Variants in CSDE1 observed in about 807,000 individuals in gnomAD.
CSDE1 encodes the protein cold shock domain-containing protein E1.
Under a neutral mutation model 89.3 loss-of-function variants are expected in CSDE1, and 17 were observed. The observed-to-expected ratio is 0.19, with a 90% confidence interval of 0.13 to 0.29. The LOEUF is 0.29. CSDE1 is among the 10% of genes least tolerant of loss of function. The probability of loss-of-function intolerance (pLI) is 1.00; values close to 1 mark genes in which losing one functional copy is unlikely to be tolerated. For synonymous variants in CSDE1, 322 were observed against 332.8 expected, an observed-to-expected ratio of 0.97 and a Z score of 0.35; for missense variants, 672 against 984.2, an observed-to-expected ratio of 0.68 and a Z score of 4.24.
At chr1:114,721,408 G>A (rs1570891754) in intron 16 of CSDE1, among the ~76,000 whole-genome samples, 1 of 152,212 alleles carries the variant, frequency 6.6e-6, no homozygotes, top group Non-Finnish European at 1.5e-5. Context: ...CCTACAGTAT[G>A]AAGTTGCCTG....
rs1345106182 is a variant in CSDE1 at position 114,725,407 on chromosome 1, C to T, written c.1641-74G>A. On this transcript the variant is annotated intron_variant, in intron 14 of 19. Transcript: ENST00000358528. ...ACAGTAACAGGCAGTCTTTATTTTA[C>T]AGTAACAGTCATGGCATGGCATGCT... 6.3e-6 allele frequency: 7 copies of T among 1,117,644 alleles called. No individual in the cohort carries two copies. In the East Asian group the frequency reaches 1.2e-4, roughly 19 times the overall value. 69.2% of individuals were successfully genotyped at this position (1,117,644 alleles called of 1,614,324 possible).
intron 1 of CSDE1, among the ~76,000 whole-genome samples, chr1:114,752,779 T>C (rs1291863160): frequency 6.6e-6 from 1 of 152,250 alleles, no homozygotes. Context: ...TAACATCCAC[T>C]GCCTGCACCA....
At chr1:114,732,123 T>A (rs531138014) in intron 10 of CSDE1, among the ~76,000 whole-genome samples, 366 of 152,064 alleles carry the variant, frequency 2.4e-3, no homozygotes, top group Non-Finnish European at 4.2e-3. Context: ...ATTTTTTTTT[T>A]AAAAAAGCTC....
In CSDE1 at chr1:114,723,867, T is replaced by G; in HGVS notation, c.1873+16A>C. On this transcript the variant is annotated intron_variant, in intron 16 of 19. Transcript: ENST00000358528. ...TTATGGCAAATTTCAAACAGCCTGA[T>G]AGTGATGATCCTTACCCTCCTCCAC... 1.2e-6 allele frequency: 2 copies of G among 1,613,762 alleles called. No homozygotes were observed. Among genetic ancestry groups the G allele is most frequent in the Non-Finnish European group, 1.7e-6 (2 of 1,179,724 alleles).
intron 10 of CSDE1, among the ~76,000 whole-genome samples, chr1:114,731,590 A>T (rs1436333656): frequency 6.6e-6 from 1 of 152,180 alleles, no homozygotes; most frequent in Non-Finnish European, 1.5e-5. Flanking sequence ...CTAAATGCAA[A>T]TTATGTCTGA....
intron 7 of CSDE1, 53 bp from the exon 8 acceptor site, chr1:114,734,170 G>T: frequency 6.4e-7 from 1 of 1,564,334 alleles, no homozygotes; most frequent in Non-Finnish European, 8.6e-7. Context: ...ACAAATTTAT[G>T]ATTACAACTT....
In CSDE1 at chr1:114,718,220, TG is replaced by T. The variant is rs778572647; in HGVS notation, c.2350-5del. The T allele has an allele frequency of 4.3e-6, 7 of 1,611,144 alleles. No individual in the cohort carries two copies. Among genetic ancestry groups the T allele is most frequent in the East Asian group, 4.5e-5 (2 of 44,870 alleles). On this transcript the variant is annotated splice_region_variant and splice_polypyrimidine_tract_variant and intron_variant, in intron 19 of 19. Transcript: ENST00000358528. Reference sequence around the variant, plus strand: ...TCTTTCTTTCTGCACCAAACCCCTGTGGGGGGGAGAAAAAAAAAACCCTGCA... The same window carrying T: ...TCTTTCTTTCTGCACCAAACCCCTGTGGGGGGAGAAAAAAAAAACCCTGCA...
chr1:114,750,784 G>C (rs996655733), intron 1 of CSDE1, among the ~76,000 whole-genome samples: 1 of 152,176 alleles, frequency 6.6e-6, no homozygotes, highest in Non-Finnish European at 1.5e-5. Context: ...CAGAATTCTA[G>C]GAGAAAGAAA....
rs1454971687 is a variant in CSDE1, at chr1:114,732,619, A to G, written c.1035T>C (p.Asn345=). 3.7e-6 allele frequency: 6 copies of G among 1,614,020 alleles called. No homozygotes were observed. The African/African-American group carries it at 8.0e-5, about 22-fold the overall frequency. Reference sequence around the variant, plus strand: ...CAACACTTACCATTTCTCGGGCTTCATTAGTGAACTGAAATGTATTTGACA... The same window carrying G: ...CAACACTTACCATTTCTCGGGCTTCGTTAGTGAACTGAAATGTATTTGACA... ...EVLSNTFQFT[N]EAREMGVIAA... Residue 345 remains asparagine, a synonymous_variant, in exon 10 of 20, where the codon AAT becomes AAC. Coordinates refer to ENST00000358528, the MANE Select transcript of CSDE1 (RefSeq NM_001007553.3).
intron 16 of CSDE1, 47 bp downstream of exon 16, chr1:114,723,836 C>A (rs1319549592): frequency 6.2e-7 from 1 of 1,611,816 alleles, no homozygotes; most frequent in Admixed American, 1.7e-5. Flanking sequence ...AGGTGCTCAT[C>A]TGAAGTTATG....
chr1:114,737,835 T>C (rs1157122995), intron 4 of CSDE1, 128 bp downstream of exon 4: 13 of 687,650 alleles, frequency 1.9e-5, no homozygotes, highest in Non-Finnish European at 2.8e-5. Flanking sequence ...AATTTTAAAA[T>C]AGTAATCTTT....
chr1:114,731,561 G>T (rs1387297400), intron 10 of CSDE1, among the ~76,000 whole-genome samples: 1 of 151,886 alleles, frequency 6.6e-6, no homozygotes, highest in African/African-American at 2.4e-5. Flanking sequence ...TAGTGTAGAT[G>T]ATATGATCCC....
intron 1 of CSDE1, among the ~76,000 whole-genome samples, chr1:114,753,148 T>A (rs775406825): frequency 2.0e-5 from 3 of 152,214 alleles, no homozygotes; most frequent in Non-Finnish European, 2.9e-5. Flanking sequence ...TTAGGTGTAT[T>A]AATGAACCCA....
intron 6 of CSDE1, 128 bp downstream of exon 6, chr1:114,736,630 T>C: frequency 1.7e-6 from 1 of 605,860 alleles, no homozygotes; most frequent in South Asian, 2.1e-5. Flanking sequence ...AAGCATTAGT[T>C]GATGAATTGA....
intron 1 of CSDE1, among the ~76,000 whole-genome samples, chr1:114,756,540 T>C (rs966599940): frequency 3.3e-5 from 5 of 152,216 alleles, no homozygotes; most frequent in Non-Finnish European, 5.9e-5. Context: ...CATTTTAGTA[T>C]AGAGTAGCTT....
chr1:114,741,094 T>C (rs1304499487), intron 2 of CSDE1, among the ~76,000 whole-genome samples: 1 of 152,186 alleles, frequency 6.6e-6, no homozygotes, highest in Non-Finnish European at 1.5e-5. Flanking sequence ...ATTAACTCAT[T>C]TAACTTTCAC....
intron 1 of CSDE1, among the ~76,000 whole-genome samples, chr1:114,757,668 C>T (rs969602156): frequency 2.6e-5 from 4 of 152,142 alleles, no homozygotes; most frequent in African/African-American, 9.7e-5. Flanking sequence ...ACTTTAGTCA[C>T]CACCACCACT....
intron 1 of CSDE1, among the ~76,000 whole-genome samples, chr1:114,755,843 G>A (rs1168320797): frequency 6.6e-6 from 1 of 152,082 alleles, no homozygotes; most frequent in African/African-American, 2.4e-5. Flanking sequence ...AAAGAACATC[G>A]TTCCAAAATT....
At chr1:114,718,338 T>C (rs1659315106) in intron 19 of CSDE1, 122 bp from the exon 20 acceptor site, 1 of 1,194,428 alleles carries the variant, frequency 8.4e-7, no homozygotes. Context: ...TATGCAGTAC[T>C]AATTCTTTCC....
Sources: gnomAD v4.1 joint callset for allele counts (sites outside exome capture counted in the v4.1 genomes callset) on GRCh38, gnomAD v4.1.1 for gene constraint, MANE v1.5 for transcripts, NCBI Gene and HGNC (gene_info 2026-07-23, HGNC 2026-07-21) for gene names.